The following LRRC4C variants were observed in gnomAD, a reference collection of about 807,000 sequenced individuals.
The protein encoded by LRRC4C is leucine rich repeat containing 4C.
Under a neutral mutation model 33.6 loss-of-function variants are expected in LRRC4C, and 5 were observed. The ratio of observed to expected loss-of-function variants is 0.15; its 90% CI spans 0.08 to 0.31. The LOEUF (loss-of-function observed/expected upper bound fraction) is 0.31, where lower values mean the gene tolerates loss of function less well. Ranked by LOEUF, LRRC4C falls within the 10% of genes least tolerant of loss-of-function variation. LRRC4C has a pLI of 1.00. For missense variants in LRRC4C, 560 were observed against 796.7 expected (o/e 0.70, Z 3.58); for synonymous variants, 329 against 302.0 (o/e 1.09, Z -0.93).
At chr11:41,005,639 G>T (rs955473634) in intron 1 of LRRC4C, among the ~76,000 whole-genome samples, 1 of 151,824 alleles carries the variant, frequency 6.6e-6, no homozygotes, top group Non-Finnish European at 1.5e-5. Flanking sequence ...GCTGCCCCTG[G>T]CGCCTCTCAC....
intron 2 of LRRC4C, among the ~76,000 whole-genome samples, chr11:40,865,520 T>C (rs1954319891): frequency 6.6e-6 from 1 of 150,926 alleles, no homozygotes; most frequent in African/African-American, 2.4e-5. Flanking sequence ...TGTATATATA[T>C]ATATATATAT....
At chr11:40,548,597 T>C (rs755642090) in intron 3 of LRRC4C, among the ~76,000 whole-genome samples, 32 of 152,054 alleles carry the variant, frequency 2.1e-4, no homozygotes, top group Non-Finnish European at 4.4e-4. Context: ...TGTGATGCTG[T>C]GTTATGGCAG....
chr11:41,442,207 G>A (rs78643552), intron 1 of LRRC4C, among the ~76,000 whole-genome samples: 8,084 of 151,476 alleles, frequency 0.053, 262 homozygotes, highest in East Asian at 0.13. Flanking sequence ...TATTTCCTTA[G>A]GATAAATTTC....
chr11:40,999,811 C>T lies in LRRC4C; in HGVS notation c.-495-66088G>A, dbSNP rs76495914. Among the ~76,000 whole-genome samples the T allele has an allele frequency of 7.5e-3, 1,142 of 152,116 alleles. 13 individuals carry two copies. The highest frequency in any genetic ancestry group is 0.026 in the African/African-American group (1,097 of 41,496). ...TTTTGGAAGCACAAAATAAGGAATA[C>T]CCGAGTTTCCCTAGCAGAGCGTGAA... On this transcript the variant is annotated intron_variant, in intron 1 of 6. Coordinates refer to ENST00000528697, the MANE Select transcript of LRRC4C (RefSeq NM_001258419.2).
chr11:40,593,341 AT>A (rs902493914), intron 3 of LRRC4C, among the ~76,000 whole-genome samples: 3 of 152,152 alleles, frequency 2.0e-5, no homozygotes, highest in Non-Finnish European at 4.4e-5. Context: ...CAGGAAAGTA[AT>A]TTTTTTCTCT....
chr11:41,425,526 G>A (rs543802303), intron 1 of LRRC4C, among the ~76,000 whole-genome samples: 8 of 152,104 alleles, frequency 5.3e-5, no homozygotes, highest in South Asian at 2.1e-4. Flanking sequence ...CAAGACCTCC[G>A]TCTAATTTCG....
In LRRC4C at chr11:40,463,305, GGTGTGTGT is replaced by G. The variant is rs33911904; in HGVS notation, c.-269-143592_-269-143585del. Among the ~76,000 whole-genome samples, 578 of 144,586 alleles carry G rather than the reference GGTGTGTGT, an allele frequency of 4.0e-3. 4 individuals carry two copies. Among genetic ancestry groups the G allele is most frequent in the African/African-American group, 0.012 (473 of 39,264 alleles). 94.9% of individuals were successfully genotyped at this position (144,586 alleles called of 152,430 possible). ...GATATAGGTGTGCGTATGTGTTACT[GGTGTGTGT>G]GTGTGTGTGTGTGTGTGTGTGTGTG... is the stretch of plus-strand genomic sequence containing the variant. On this transcript the variant is annotated intron_variant, in intron 3 of 6. Coordinates refer to ENST00000528697, the MANE Select transcript of LRRC4C (RefSeq NM_001258419.2).
rs533138953 is a variant in LRRC4C, at chr11:41,363,380, C to A, written c.-496+96051G>T. The stretch of plus-strand genomic sequence containing the variant: ...GAAATTTGCGGATATATAAACAGCC[C>A]CACTGTAAGATGTCTTAAAGGAATC... On this transcript the variant is annotated intron_variant, in intron 1 of 6. Coordinates refer to ENST00000528697, the MANE Select transcript of LRRC4C (RefSeq NM_001258419.2). 1.2e-3 allele frequency among the ~76,000 whole-genome samples: 185 copies of A among 152,232 alleles called. 1 individual carries two copies. Among genetic ancestry groups the A allele is most frequent in the Non-Finnish European group, 2.1e-3 (146 of 67,998 alleles).
chr11:40,346,022 T>G (rs1167059705), intron 3 of LRRC4C, among the ~76,000 whole-genome samples: 1 of 152,140 alleles, frequency 6.6e-6, no homozygotes, highest in Non-Finnish European at 1.5e-5. Flanking sequence ...CCAGTCAGAA[T>G]GGCTGTTATT....
At chr11:40,497,859 G>T (rs114243596) in intron 3 of LRRC4C, among the ~76,000 whole-genome samples, 2,265 of 152,230 alleles carry the variant, frequency 0.015, 61 homozygotes, top group African/African-American at 0.051. Context: ...CCAGGACAAA[G>T]ACCTCAGTTC....
chr11:40,741,248 G>T (rs1948145093), intron 2 of LRRC4C, among the ~76,000 whole-genome samples: 1 of 151,952 alleles, frequency 6.6e-6, no homozygotes, highest in Non-Finnish European at 1.5e-5. Context: ...TAACACATTT[G>T]GGGAACTGAT....
chr11:40,877,016 G>A (rs1954929504), intron 2 of LRRC4C, among the ~76,000 whole-genome samples: 1 of 151,812 alleles, frequency 6.6e-6, no homozygotes, highest in South Asian at 2.1e-4. Flanking sequence ...AAGATGATGT[G>A]TATGCTCTGT....
At chr11:40,186,972 G>C (rs913665569) in intron 5 of LRRC4C, among the ~76,000 whole-genome samples, 10 of 152,176 alleles carry the variant, frequency 6.6e-5, no homozygotes, top group Non-Finnish European at 1.5e-4. Flanking sequence ...GGCTGTGCTG[G>C]GGGATGGCAG....
intron 3 of LRRC4C, among the ~76,000 whole-genome samples, chr11:40,385,331 CT>C (rs1165832883): frequency 6.6e-6 from 1 of 152,160 alleles, no homozygotes; most frequent in Non-Finnish European, 1.5e-5. Context: ...ATAGAGAAAA[CT>C]TTTTTCATCT....
At chr11:40,337,884 A>G (rs1946700558) in intron 3 of LRRC4C, among the ~76,000 whole-genome samples, 1 of 152,002 alleles carries the variant, frequency 6.6e-6, no homozygotes, top group Non-Finnish European at 1.5e-5. Context: ...TTCTATGTCC[A>G]TGTGTTCTCA....
chr11:40,731,368 G>A (rs921886996), intron 2 of LRRC4C, among the ~76,000 whole-genome samples: 4 of 151,726 alleles, frequency 2.6e-5, no homozygotes, highest in Non-Finnish European at 4.4e-5. Flanking sequence ...TCTCCCCACC[G>A]CCCCTTGCTC....
chr11:40,195,953 T>C (rs776649672), intron 5 of LRRC4C, among the ~76,000 whole-genome samples: 3 of 152,170 alleles, frequency 2.0e-5, no homozygotes, highest in Non-Finnish European at 2.9e-5. Context: ...ATAATCTATA[T>C]AGTGTCCAAA....
At chr11:40,231,067 G>T (rs770134304) in intron 5 of LRRC4C, among the ~76,000 whole-genome samples, 1 of 152,132 alleles carries the variant, frequency 6.6e-6, no homozygotes, top group Non-Finnish European at 1.5e-5. Context: ...ATGAGTACAC[G>T]TGGAGTCAGA....
chr11:40,978,627 T>C (rs1256922627), intron 1 of LRRC4C, among the ~76,000 whole-genome samples: 1 of 150,544 alleles, frequency 6.6e-6, no homozygotes, highest in Admixed American at 6.6e-5. Flanking sequence ...TTTTACTGTT[T>C]TTTTTTTTTT....
Sources: allele counts gnomAD v4.1 joint callset (sites outside exome capture counted in the v4.1 genomes callset), GRCh38; gene constraint gnomAD v4.1.1; transcripts MANE v1.5; gene names NCBI Gene and HGNC (gene_info 2026-07-23, HGNC 2026-07-21).